Variants in SHTN1 observed in about 807,000 individuals in gnomAD.
SHTN1 encodes shootin 1, also known as shootin-1.
Under a neutral mutation model 83.1 loss-of-function variants are expected in SHTN1, and 42 were observed. That is an observed-to-expected ratio of 0.51 (90% CI 0.39 to 0.65). The LOEUF (loss-of-function observed/expected upper bound fraction) is 0.65. Among genes scored for constraint, SHTN1 ranks in the 30% least tolerant of loss-of-function variants. The pLI is 0.00. For missense variants in SHTN1, 622 were observed against 737.8 expected (o/e 0.84, Z 1.82); for synonymous variants, 224 against 247.7 (o/e 0.90, Z 0.90).
chr10:116,987,839 G>A (rs568247620), intron 1 of SHTN1, among the ~76,000 whole-genome samples: 2 of 151,692 alleles, frequency 1.3e-5, no homozygotes, highest in Admixed American at 6.6e-5. Flanking sequence ...CACTTGAACC[G>A]AGGAGGCGGA....
intron 6 of SHTN1, among the ~76,000 whole-genome samples, chr10:116,950,982 T>C (rs1849756097): frequency 6.6e-6 from 1 of 152,130 alleles, no homozygotes; most frequent in Non-Finnish European, 1.5e-5. Flanking sequence ...CAAGCTGCAG[T>C]TGGCACATCA....
intron 1 of SHTN1, among the ~76,000 whole-genome samples, chr10:117,098,889 C>G (rs1233058458): frequency 1.3e-5 from 2 of 152,060 alleles, no homozygotes; most frequent in Non-Finnish European, 2.9e-5. Context: ...ATAACTGTCT[C>G]CTTTTTATCT....
At chr10:116,901,710 G>C in intron 16 of SHTN1, 55 bp downstream of exon 16, 1 of 1,440,476 alleles carries the variant, frequency 6.9e-7, no homozygotes, top group Non-Finnish European at 9.1e-7. Context: ...AAACACACAA[G>C]TTAGTCATTA....
At position 116,927,800 on chromosome 10, in the gene SHTN1, A is replaced by G. The variant is rs773951950; in HGVS notation, c.1104T>C (p.Asn368=). The G allele has an allele frequency of 2.7e-6, 4 of 1,506,780 alleles. No homozygotes were observed. In the Admixed American group the frequency reaches 7.3e-5, roughly 27 times the overall value. The allele number at this position is 1,506,780 out of a possible 1,614,324, so 93.3% of individuals were successfully genotyped here. Reference sequence around the variant, plus strand: ...TTCCTGGATGTGCTTACCGGATAGGATTGGGAGGTGGAGGGGGAAGTGGTG... The same window carrying G: ...TTCCTGGATGTGCTTACCGGATAGGGTTGGGAGGTGGAGGGGGAAGTGGTG... ...PPPPLPPPPP[N]PIRSLMSMIR... The change falls in exon 11 of 17, where the codon AAT becomes AAC. Residue 368 remains asparagine, a synonymous_variant. Transcript: ENST00000355371.
chr10:116,901,509 T>C (rs1407943793), intron 16 of SHTN1: 1 of 985,186 alleles, frequency 1.0e-6, no homozygotes, highest in African/African-American at 1.7e-5. Flanking sequence ...GATCAATTAT[T>C]TGTGTAGAAG....
At chr10:116,900,406 CA>C in intron 16 of SHTN1, 1 of 776,018 alleles carries the variant, frequency 1.3e-6, no homozygotes, top group Non-Finnish European at 2.1e-6. Context: ...ACTGTCAATT[CA>C]ACACATATTT....
intron 7 of SHTN1, among the ~76,000 whole-genome samples, chr10:116,947,406 G>A (rs1849633993): frequency 6.6e-6 from 1 of 152,102 alleles, no homozygotes; most frequent in Non-Finnish European, 1.5e-5. Context: ...AATCCTAACT[G>A]ACTTAAGGAC....
intron 2 of SHTN1, among the ~76,000 whole-genome samples, chr10:117,013,186 A>T (rs906691721): frequency 3.8e-4 from 58 of 152,178 alleles, no homozygotes; most frequent in African/African-American, 1.3e-3. Flanking sequence ...TTATTTATTT[A>T]TTTTTTGAGA....
At chr10:116,914,707 T>A (rs1848320354) in intron 13 of SHTN1, among the ~76,000 whole-genome samples, 1 of 152,080 alleles carries the variant, frequency 6.6e-6, no homozygotes, top group Admixed American at 6.5e-5. Context: ...TTTAAAACTA[T>A]TATTGGGCTT....
At position 116,976,236 on chromosome 10, in the gene SHTN1, C is replaced by T. The variant is rs190501896; in HGVS notation, c.111+3020G>A. On this transcript the variant is annotated intron_variant, in intron 2 of 16. Coordinates refer to ENST00000355371, the MANE Select transcript of SHTN1 (RefSeq NM_001127211.3). ...GATGTCCTATAGCAGCTTCTTACAC[C>T]ATGCAGCCTCTGAACAACTGGTTTC... Among the ~76,000 whole-genome samples, 39 of 152,226 alleles carry T rather than the reference C, an allele frequency of 2.6e-4. No individual in the cohort carries two copies. In the East Asian group the frequency reaches 6.0e-3, roughly 23 times the overall value.
intron 1 of SHTN1, among the ~76,000 whole-genome samples, chr10:117,000,669 G>C (rs1299635109): frequency 6.6e-6 from 1 of 152,150 alleles, no homozygotes; most frequent in East Asian, 1.9e-4. Context: ...TGTGTTGTCT[G>C]TGTCTGCCCG....
At chr10:116,951,699 T>G (rs189338573) in intron 6 of SHTN1, among the ~76,000 whole-genome samples, 9 of 152,374 alleles carry the variant, frequency 5.9e-5, no homozygotes, top group Admixed American at 2.6e-4. Context: ...TTTCAGAATT[T>G]TATTTATTAA....
intron 12 of SHTN1, among the ~76,000 whole-genome samples, chr10:116,919,711 C>G (rs575128425): frequency 6.6e-6 from 1 of 152,192 alleles, no homozygotes; most frequent in South Asian, 2.1e-4. Flanking sequence ...TAGCCAGTAA[C>G]CAAAGAGCAG....
At chr10:116,957,081 A>G (rs1015501917) in intron 4 of SHTN1, among the ~76,000 whole-genome samples, 5 of 151,284 alleles carry the variant, frequency 3.3e-5, no homozygotes, top group African/African-American at 1.2e-4. Flanking sequence ...GAGCCACCAC[A>G]CCCGGCCTAG....
intron 16 of SHTN1, 147 bp from the exon 17 acceptor site, chr10:116,886,713 T>C: frequency 9.0e-7 from 1 of 1,108,042 alleles, no homozygotes; most frequent in Non-Finnish European, 1.3e-6. Flanking sequence ...TGCCAGCCAT[T>C]TAAAAGAAAA....
chr10:116,953,626 T>TG (rs1214503539), intron 5 of SHTN1, among the ~76,000 whole-genome samples: 7 of 137,446 alleles, frequency 5.1e-5, no homozygotes, highest in Non-Finnish European at 9.5e-5. Flanking sequence ...GTGTTTTGTT[T>TG]TTTTTTTTTT....
intron 1 of SHTN1, among the ~76,000 whole-genome samples, chr10:117,093,735 C>G (rs1353170987): frequency 6.6e-6 from 1 of 152,122 alleles, no homozygotes; most frequent in Non-Finnish European, 1.5e-5. Context: ...GCATTGGAAC[C>G]ACACACAATG....
chr10:117,081,363 C>T (rs369837161), intron 1 of SHTN1, among the ~76,000 whole-genome samples: 3,092 of 139,252 alleles, frequency 0.022, 110 homozygotes, highest in East Asian at 0.11. Context: ...ATTGAACCAG[C>T]CTTGCATCCC....
chr10:116,988,105 T>C (rs371997675), intron 1 of SHTN1, among the ~76,000 whole-genome samples: 1 of 152,200 alleles, frequency 6.6e-6, no homozygotes, highest in Admixed American at 6.5e-5. Flanking sequence ...ATGTAAATTA[T>C]GGATTTTAGT....
Sources: allele counts gnomAD v4.1 joint callset (sites outside exome capture counted in the v4.1 genomes callset), GRCh38; gene constraint gnomAD v4.1.1; transcripts MANE v1.5; gene names NCBI Gene and HGNC (gene_info 2026-07-23, HGNC 2026-07-21).